RASA2: variants seen among roughly 807,000 people sequenced by gnomAD.
The protein encoded by RASA2 is RAS p21 protein activator 2, also known as ras GTPase-activating protein 2.
In RASA2, 155 loss-of-function variants were observed where a neutral mutation model predicts 118.2. The ratio of observed to expected loss-of-function variants is 1.31; its 90% CI spans 1.15 to 1.50. The LOEUF is 1.50. RASA2 is among the 40% of genes most tolerant of loss of function. The pLI, the probability that RASA2 is intolerant of heterozygous loss-of-function variation, is 0.00. For synonymous variants in RASA2, 353 were observed against 349.1 expected (o/e 1.01, Z -0.12); for missense variants, 1,016 against 1,009.6 (o/e 1.01, Z -0.09).
intron 1 of RASA2, among the ~76,000 whole-genome samples, chr3:141,500,191 T>C (rs908656346): frequency 2.0e-5 from 3 of 152,206 alleles, no homozygotes; most frequent in African/African-American, 7.2e-5. Context: ...TACATAACTT[T>C]TTTCTTTTCA....
intron 19 of RASA2, among the ~76,000 whole-genome samples, chr3:141,591,021 A>G (rs867713322): frequency 3.3e-5 from 5 of 152,162 alleles, no homozygotes; most frequent in Non-Finnish European, 4.4e-5. Context: ...AGAGATTTTT[A>G]TGGCCCTGTG....
intron 8 of RASA2, 122 bp from the exon 9 acceptor site, chr3:141,559,772 A>G (rs933886461): frequency 7.9e-6 from 6 of 755,838 alleles, no homozygotes; most frequent in Non-Finnish European, 1.3e-5. Flanking sequence ...TGGTGTTGCT[A>G]ACATCTTTTA....
rs893327527 is a variant in RASA2, at chr3:141,586,172, A to G, written c.1826+74A>G. ...AAGTAAGTACAAAGAGCGTGGGTCT[A>G]AGAGTGAGGAGATCTGGCTTTGTGT... On this transcript the variant is annotated intron_variant, in intron 18 of 23. Transcript: ENST00000286364. 4 of 1,345,392 alleles carry G rather than the reference A, an allele frequency of 3.0e-6. No homozygotes were observed. The African/African-American group carries it at 4.4e-5, about 15-fold the overall frequency. 83.3% of individuals were successfully genotyped at this position (1,345,392 alleles called of 1,614,324 possible). A position where few individuals can be genotyped will look rare whatever the true frequency, so the allele number is the denominator to read the frequency against.
chr3:141,527,391 C>CT (rs2082200170), intron 3 of RASA2, among the ~76,000 whole-genome samples: 1 of 151,904 alleles, frequency 6.6e-6, no homozygotes, highest in Non-Finnish European at 1.5e-5. Context: ...ATTATCTGTC[C>CT]TTTTTCTGGG....
chr3:141,519,475 CTTATT>C (rs2151086681), intron 3 of RASA2, among the ~76,000 whole-genome samples: 1 of 152,198 alleles, frequency 6.6e-6, no homozygotes, highest in South Asian at 2.1e-4. Flanking sequence ...CTTAAGCCTT[CTTATT>C]TTTAGATATG....
chr3:141,582,741 C>G (rs1216062458), intron 17 of RASA2, among the ~76,000 whole-genome samples: 1 of 152,136 alleles, frequency 6.6e-6, no homozygotes, highest in African/African-American at 2.4e-5. Flanking sequence ...GTAGTTACAA[C>G]AAGATATGTG....
chr3:141,530,736 C>T (rs561186114), intron 4 of RASA2, among the ~76,000 whole-genome samples: 1 of 152,176 alleles, frequency 6.6e-6, no homozygotes, highest in African/African-American at 2.4e-5. Context: ...GCACTAACCC[C>T]CCTTCTTAAC....
rs149034388 is a variant in RASA2 at position 141,591,317 on chromosome 3, T to C, written c.1933+4565T>C. 5.3e-5 allele frequency among the ~76,000 whole-genome samples: 8 copies of C among 152,340 alleles called. No individual in the cohort carries two copies. The East Asian group carries it at 1.5e-3, about 29-fold the overall frequency. On this transcript the variant is annotated intron_variant, in intron 19 of 23. Coordinates refer to ENST00000286364, the MANE Select transcript of RASA2 (RefSeq NM_006506.5). ...TTTTCTCCTTTACCTGTGTAATCTGTTGTCCTTTAAGTCTTAGATCAAGTG... is the reference window on the plus strand; with the variant it reads ...TTTTCTCCTTTACCTGTGTAATCTGCTGTCCTTTAAGTCTTAGATCAAGTG...
chr3:141,544,230 T>G (rs1011357634), intron 5 of RASA2, among the ~76,000 whole-genome samples: 5 of 152,188 alleles, frequency 3.3e-5, no homozygotes, highest in Admixed American at 3.3e-4. Context: ...TGGAATAGAT[T>G]TATTTAATTT....
At chr3:141,549,113 T>G (rs891105596) in intron 5 of RASA2, among the ~76,000 whole-genome samples, 5 of 152,218 alleles carry the variant, frequency 3.3e-5, no homozygotes, top group African/African-American at 1.2e-4. Flanking sequence ...TACATCTTCC[T>G]GAATCCAAAT....
chr3:141,561,975 C>T (rs1349914831), intron 9 of RASA2, among the ~76,000 whole-genome samples: 1 of 151,854 alleles, frequency 6.6e-6, no homozygotes, highest in Non-Finnish European at 1.5e-5. Flanking sequence ...TTTTTTGAGA[C>T]AAAGCCTCAC....
intron 7 of RASA2, among the ~76,000 whole-genome samples, chr3:141,556,974 G>A (rs1218907624): frequency 2.6e-5 from 4 of 152,114 alleles, no homozygotes; most frequent in African/African-American, 4.8e-5. Context: ...GTTGTTCTAC[G>A]TTTATTAATG....
chr3:141,579,808 C>T (rs1001294968), intron 15 of RASA2, among the ~76,000 whole-genome samples: 1 of 151,692 alleles, frequency 6.6e-6, no homozygotes, highest in African/African-American at 2.4e-5. Flanking sequence ...GTAATCCCAG[C>T]ACTTCGGGAG....
intron 5 of RASA2, among the ~76,000 whole-genome samples, chr3:141,549,475 G>A (rs1040353620): frequency 3.0e-5 from 4 of 132,212 alleles, no homozygotes; most frequent in Non-Finnish European, 6.5e-5. Context: ...GTGTATGAGT[G>A]TGTGTGTGCG....
At chr3:141,608,305 A>C (rs2083581083) in intron 20 of RASA2, among the ~76,000 whole-genome samples, 184 bp from the exon 21 acceptor site, 1 of 152,128 alleles carries the variant, frequency 6.6e-6, no homozygotes, top group Non-Finnish European at 1.5e-5. Context: ...TGTACTGCTT[A>C]GTACCATGTG....
intron 1 of RASA2, among the ~76,000 whole-genome samples, chr3:141,500,043 G>T (rs967522204): frequency 1.3e-5 from 2 of 152,152 alleles, no homozygotes; most frequent in Non-Finnish European, 2.9e-5. Context: ...TCTGCTTAGT[G>T]GTAGATATTC....
intron 14 of RASA2, among the ~76,000 whole-genome samples, chr3:141,576,184 G>A (rs1165954749): frequency 6.6e-6 from 1 of 152,178 alleles, no homozygotes; most frequent in Non-Finnish European, 1.5e-5. Flanking sequence ...AGTAGTGACA[G>A]TTTTGTTGCC....
At chr3:141,521,051 AG>A (rs1390182525) in intron 3 of RASA2, among the ~76,000 whole-genome samples, 7 of 152,234 alleles carry the variant, frequency 4.6e-5, no homozygotes, top group Non-Finnish European at 8.8e-5. Context: ...TTGAGTGAGA[AG>A]GGGAGAGGAT....
intron 1 of RASA2, among the ~76,000 whole-genome samples, chr3:141,493,504 A>G (rs2081662797): frequency 6.6e-6 from 1 of 152,174 alleles, no homozygotes; most frequent in African/African-American, 2.4e-5. Context: ...AAAGTTCCAT[A>G]GGGGGTGATG....
Sources: allele counts gnomAD v4.1 joint callset (sites outside exome capture counted in the v4.1 genomes callset), GRCh38; gene constraint gnomAD v4.1.1; transcripts MANE v1.5; gene names NCBI Gene and HGNC (gene_info 2026-07-23, HGNC 2026-07-21).